PHLDB2: variants seen among roughly 807,000 people sequenced by gnomAD.
PHLDB2 encodes the protein pleckstrin homology like domain family B member 2, also known as pleckstrin homology-like domain family B member 2.
PHLDB2 carries 71 observed loss-of-function variants against 123.6 expected under a neutral mutation model. The ratio of observed to expected loss-of-function variants is 0.57; its 90% confidence interval spans 0.47 to 0.70. The LOEUF (loss-of-function observed/expected upper bound fraction) is 0.70, where lower values mean the gene tolerates loss of function less well. Among genes scored for constraint, PHLDB2 ranks in the 30% least tolerant of loss-of-function variants. The pLI is 0.00. For missense variants in PHLDB2, 1,446 were observed against 1,519.5 expected (o/e 0.95, Z 0.80); for synonymous variants, 547 against 541.6 (o/e 1.01, Z -0.14).
chr3:111,868,131 C>T lies in PHLDB2; in HGVS notation c.-15+8555C>T, dbSNP rs536091637. On this transcript the variant is annotated intron_variant, in intron 1 of 17. Coordinates refer to ENST00000431670, the MANE Select transcript of PHLDB2 (RefSeq NM_001134438.2). Reference sequence around the variant, plus strand: ...CCCCCTGCCTCCACCTCTGCCTCTCCGCCTCTGCCTCCTGAGTAGCTGGAA... The same window carrying T: ...CCCCCTGCCTCCACCTCTGCCTCTCTGCCTCTGCCTCCTGAGTAGCTGGAA... Among the ~76,000 whole-genome samples, 28 of 152,202 alleles carry T rather than the reference C, an allele frequency of 1.8e-4. No homozygotes were observed. The South Asian group carries it at 5.0e-3, about 27-fold the overall frequency.
rs2107663359 is a variant in PHLDB2 at position 111,961,649 on chromosome 3, GATT to G, written c.2873-458_2873-456del. Among the ~76,000 whole-genome samples, 3 of 152,336 alleles carry G rather than the reference GATT, an allele frequency of 2.0e-5. No individual in the cohort carries two copies. In the South Asian group the frequency reaches 6.2e-4, roughly 32 times the overall value. On this transcript the variant is annotated intron_variant, in intron 12 of 17. Coordinates refer to ENST00000431670, the MANE Select transcript of PHLDB2 (RefSeq NM_001134438.2). ...AGTTTCTGAAATCCTACACTTGAAA[GATT>G]CCACCTGCTTTTTTATGACCAGACT...
At chr3:111,783,444 A>T (rs1387248081) in intron 1 of PHLDB2, among the ~76,000 whole-genome samples, 1 of 152,114 alleles carries the variant, frequency 6.6e-6, no homozygotes, top group Non-Finnish European at 1.5e-5. Flanking sequence ...AAAATAAAAT[A>T]AAATAATTGA....
intron 1 of PHLDB2, among the ~76,000 whole-genome samples, chr3:111,773,646 T>A (rs1452907927): frequency 6.6e-6 from 1 of 152,218 alleles, no homozygotes; most frequent in East Asian, 1.9e-4. Flanking sequence ...GATATATCCC[T>A]TGACTGGCAG....
intron 16 of PHLDB2, among the ~76,000 whole-genome samples, chr3:111,970,769 GA>G (rs996831857): frequency 1.3e-4 from 20 of 151,994 alleles, no homozygotes; most frequent in African/African-American, 4.4e-4. Context: ...CAGATATTAT[GA>G]AAAAAACCCT....
intron 1 of PHLDB2, among the ~76,000 whole-genome samples, chr3:111,820,853 A>C (rs528855222): frequency 6.6e-6 from 1 of 152,366 alleles, no homozygotes; most frequent in African/African-American, 2.4e-5. Flanking sequence ...ACAGTACTAT[A>C]GTTTATCAAC....
At position 111,782,128 on chromosome 3, in the gene PHLDB2, T is replaced by C. The variant is rs1421462966; in HGVS notation, c.-49+49425T>C. Among the ~76,000 whole-genome samples, 5 of 152,186 alleles carry C rather than the reference T, an allele frequency of 3.3e-5. No homozygotes were observed. The South Asian group carries it at 8.3e-4, about 25-fold the overall frequency. Reference sequence around the variant, plus strand: ...TAGGATGTAATAGAGAAAGACTAAGTGTGAAGCTAAACTTCATTATTTGCA... The same window carrying C: ...TAGGATGTAATAGAGAAAGACTAAGCGTGAAGCTAAACTTCATTATTTGCA... On this transcript the variant is annotated intron_variant, in intron 1 of 17. Transcript: ENST00000393923.
chr3:111,929,928 T>C (rs943351726), intron 5 of PHLDB2, among the ~76,000 whole-genome samples: 2 of 150,426 alleles, frequency 1.3e-5, no homozygotes, highest in African/African-American at 4.9e-5. Flanking sequence ...TTTTTTTTTT[T>C]TGAGGCAGAG....
At chr3:111,933,662 C>T (rs760610800) in intron 6 of PHLDB2, among the ~76,000 whole-genome samples, 2 of 152,130 alleles carry the variant, frequency 1.3e-5, no homozygotes, top group Non-Finnish European at 2.9e-5. Flanking sequence ...GCCTCTCAGT[C>T]ACAATTCTCT....
intron 5 of PHLDB2, among the ~76,000 whole-genome samples, chr3:111,922,458 G>C (rs1202679388): frequency 2.0e-5 from 3 of 152,206 alleles, no homozygotes; most frequent in Non-Finnish European, 4.4e-5. Flanking sequence ...GCTTGACAGA[G>C]GCTATGCACT....
intron 2 of PHLDB2, chr3:111,846,113 G>A: frequency 1.7e-6 from 1 of 604,588 alleles, no homozygotes; most frequent in Non-Finnish European, 2.9e-6. Flanking sequence ...TTGTTCACAG[G>A]CCACCATATC....
chr3:111,795,982 C>T (rs933506536), intron 1 of PHLDB2, among the ~76,000 whole-genome samples: 16 of 152,066 alleles, frequency 1.1e-4, no homozygotes, highest in African/African-American at 3.1e-4. Context: ...CTGCAACCTC[C>T]GCCCTCTGAG....
chr3:111,965,047 A>C (rs2107673840), intron 13 of PHLDB2, among the ~76,000 whole-genome samples: 1 of 152,324 alleles, frequency 6.6e-6, no homozygotes, highest in African/African-American at 2.4e-5. Context: ...CAGTTGGGGC[A>C]ATGAAGTTTA....
At chr3:111,938,356 C>T (rs905388144) in intron 6 of PHLDB2, among the ~76,000 whole-genome samples, 3 of 151,988 alleles carry the variant, frequency 2.0e-5, no homozygotes, top group Admixed American at 1.3e-4. Context: ...AAACCTCCAC[C>T]GACACATCGT....
intron 12 of PHLDB2, among the ~76,000 whole-genome samples, chr3:111,956,325 G>T (rs570510212): frequency 6.2e-4 from 95 of 152,278 alleles, no homozygotes; most frequent in South Asian, 2.9e-3. Context: ...TGAGAATATG[G>T]TGAAACCGAG....
chr3:111,894,031 G>A (rs922463070), intron 2 of PHLDB2, among the ~76,000 whole-genome samples: 2 of 144,242 alleles, frequency 1.4e-5, no homozygotes, highest in African/African-American at 5.1e-5. Flanking sequence ...TCTAGCATTA[G>A]GTATATCTCC....
In PHLDB2 at chr3:111,741,037, G is replaced by A. The variant is rs2059595560; in HGVS notation, c.-49+8334G>A. Among the ~76,000 whole-genome samples, 3 of 152,156 alleles carry A rather than the reference G, an allele frequency of 2.0e-5. No individual in the cohort carries two copies. In the South Asian group the frequency reaches 6.2e-4, roughly 32 times the overall value. ...TCCTAATGCTAACCACCAAGTACCA[G>A]CTGGCACCTTTACAAGTTCTCCAAT... On this transcript the variant is annotated intron_variant, in intron 1 of 17. Coordinates refer to the PHLDB2 transcript ENST00000393923.
chr3:111,780,904 C>T (rs1373128469), intron 1 of PHLDB2, among the ~76,000 whole-genome samples: 3 of 151,994 alleles, frequency 2.0e-5, no homozygotes, highest in Admixed American at 6.6e-5. Context: ...AAGTAGATTG[C>T]CTGTTCCTCT....
At chr3:111,925,706 G>A (rs1577100453) in intron 5 of PHLDB2, among the ~76,000 whole-genome samples, 1 of 152,326 alleles carries the variant, frequency 6.6e-6, no homozygotes, top group African/African-American at 2.4e-5. Context: ...GCCTGACTGT[G>A]GAACTGGCTT....
rs114992504 is a variant in PHLDB2, at chr3:111,835,089, A to T, written c.-48-10732A>T. 7.7e-4 allele frequency among the ~76,000 whole-genome samples: 117 copies of T among 152,270 alleles called. No individual in the cohort carries two copies. The Middle Eastern group carries it at 0.01, about 13-fold the overall frequency. On this transcript the variant is annotated intron_variant, in intron 1 of 17. Transcript: ENST00000393923. ...TTGTCCCAAAATTTAAGAGAGAATG[A>T]GAGAGAGATTTACCATGAGCCTCTC...
Sources: gnomAD v4.1 joint callset for allele counts (sites outside exome capture counted in the v4.1 genomes callset) on GRCh38, gnomAD v4.1.1 for gene constraint, MANE v1.5 for transcripts, NCBI Gene and HGNC (gene_info 2026-07-23, HGNC 2026-07-21) for gene names.